The following TBCA variants were observed in gnomAD, a reference collection of about 807,000 sequenced individuals.
The protein encoded by TBCA is tubulin folding cofactor A.
A neutral mutation model predicts 15.8 loss-of-function variants in TBCA; 6 were observed. The ratio of observed to expected loss-of-function variants is 0.38; its 90% CI spans 0.21 to 0.75. TBCA has a LOEUF of 0.75. TBCA is among the 30% of genes least tolerant of loss of function. The pLI, the probability that TBCA is intolerant of heterozygous loss-of-function variation, is 0.46. For missense variants in TBCA, 90 were observed against 131.2 expected, an observed-to-expected ratio of 0.69 and a Z score of 1.53; for synonymous variants, 32 against 42.3, an observed-to-expected ratio of 0.76 and a Z score of 0.94.
chr5:77,709,564 A>G (rs944343398), intron 1 of TBCA, among the ~76,000 whole-genome samples: 1 of 152,212 alleles, frequency 6.6e-6, no homozygotes, highest in Non-Finnish European at 1.5e-5. Flanking sequence ...GAGAAATTGG[A>G]GCCATCAAAC....
chr5:77,701,722 T>TATAC (rs1202081595), intron 2 of TBCA, among the ~76,000 whole-genome samples: 3 of 137,998 alleles, frequency 2.2e-5, no homozygotes, highest in Non-Finnish European at 3.1e-5. Context: ...TATATATATA[T>TATAC]ATATGATGGA....
chr5:77,730,125 T>C (rs774163242), intron 1 of TBCA, among the ~76,000 whole-genome samples: 3 of 152,206 alleles, frequency 2.0e-5, no homozygotes, highest in Non-Finnish European at 4.4e-5. Context: ...GACGTTGTAT[T>C]GGATTGAATG....
At chr5:77,734,381 T>A (rs983062298) in intron 1 of TBCA, among the ~76,000 whole-genome samples, 1 of 152,218 alleles carries the variant, frequency 6.6e-6, no homozygotes, top group Admixed American at 6.5e-5. Context: ...TAGATGCCAT[T>A]AAGAACATTC....
chr5:77,693,435 T>C, intron 2 of TBCA, 83 bp from the exon 3 acceptor site: 1 of 1,436,090 alleles, frequency 7.0e-7, no homozygotes, highest in Non-Finnish European at 9.5e-7. Context: ...TATATCCTTA[T>C]TAAGAGGAAT....
At chr5:77,762,022 A>G (rs1423156960) in intron 1 of TBCA, among the ~76,000 whole-genome samples, 2 of 152,222 alleles carry the variant, frequency 1.3e-5, no homozygotes, top group African/African-American at 2.4e-5. Context: ...AATGCCTTTA[A>G]TAAGTCTAAT....
chr5:77,744,270 C>T (rs765728887), intron 1 of TBCA, among the ~76,000 whole-genome samples: 2 of 152,046 alleles, frequency 1.3e-5, no homozygotes, highest in Admixed American at 6.6e-5. Context: ...TTTCTGGAGA[C>T]AATCTTGCTT....
chr5:77,740,500 C>G (rs1441400165), intron 1 of TBCA, among the ~76,000 whole-genome samples: 2 of 151,956 alleles, frequency 1.3e-5, no homozygotes, highest in African/African-American at 4.8e-5. Flanking sequence ...CAGGAGAAGC[C>G]AAAGATAACT....
At chr5:77,708,453 T>C in intron 1 of TBCA, 106 bp from the exon 2 acceptor site, 2 of 613,510 alleles carry the variant, frequency 3.3e-6, no homozygotes, top group Non-Finnish European at 5.7e-6. Flanking sequence ...CCAAAGTAGA[T>C]ATACTAGATG....
chr5:77,723,446 A>G (rs1746566556), intron 1 of TBCA, among the ~76,000 whole-genome samples: 1 of 151,990 alleles, frequency 6.6e-6, no homozygotes, highest in Admixed American at 6.6e-5. Flanking sequence ...TAATTTAAAC[A>G]TCTGAAATAG....
intron 1 of TBCA, among the ~76,000 whole-genome samples, chr5:77,756,591 C>G (rs751855004): frequency 1.3e-5 from 2 of 151,490 alleles, no homozygotes; most frequent in South Asian, 4.2e-4. Context: ...GAATCTTGCC[C>G]GCTAGAATTA....
chr5:77,693,818 A>AG (rs1369186185), intron 2 of TBCA, among the ~76,000 whole-genome samples: 2 of 145,544 alleles, frequency 1.4e-5, no homozygotes, highest in Non-Finnish European at 3.0e-5. Context: ...AAAAAAAAAA[A>AG]AAAAAGTTAG....
intron 2 of TBCA, 174 bp from the exon 3 acceptor site, chr5:77,693,526 C>A: frequency 1.3e-6 from 1 of 789,894 alleles, no homozygotes; most frequent in Non-Finnish European, 2.0e-6. Context: ...AGGCCAGGCA[C>A]AGTGGCTCAC....
chr5:77,738,542 G>T lies in TBCA; in HGVS notation c.54-30195C>A, dbSNP rs142323012. 3.4e-3 allele frequency among the ~76,000 whole-genome samples: 521 copies of T among 152,298 alleles called. 2 individuals are homozygous for T. Among genetic ancestry groups the T allele is most frequent in the Non-Finnish European group, 5.3e-3 (362 of 68,030 alleles). ...GGCCTGCCCACTAGGCTATGATTCT[G>T]CTTGTTGAACTAGTCAGTTTGAAAA... On this transcript the variant is annotated intron_variant, in intron 1 of 3. Coordinates refer to ENST00000380377, the MANE Select transcript of TBCA (RefSeq NM_004607.3).
rs1251955612 is a variant in TBCA at position 77,776,275 on chromosome 5, G to A, written c.-18C>T. 38 of 1,573,086 alleles carry A rather than the reference G, an allele frequency of 2.4e-5. No homozygotes were observed. The highest frequency in any genetic ancestry group is 3.3e-5 in the Non-Finnish European group (38 of 1,160,336). Reference sequence around the variant, plus strand: ...TCGGCCATGGTCCCTCGAGCGCCGCGAGAAGGAGGGGCGGAGAGCCGGGGT... The same window carrying A: ...TCGGCCATGGTCCCTCGAGCGCCGCAAGAAGGAGGGGCGGAGAGCCGGGGT... On this transcript the variant is annotated 5_prime_UTR_variant, in exon 1 of 4. Coordinates refer to ENST00000380377, the MANE Select transcript of TBCA (RefSeq NM_004607.3).
rs1014125590 is a variant in TBCA, at chr5:77,705,523, G to A, written c.159+2719C>T. On this transcript the variant is annotated intron_variant, in intron 2 of 3. Transcript: ENST00000380377. ...CATATGTAAATCCTTATGAAGGGTC[G>A]TTAGTTCATAAAGGCGGACAAGGCC... 2.0e-5 allele frequency: 8 copies of A among 398,328 alleles called. No individual in the cohort carries two copies. The Admixed American group carries it at 2.2e-4, about 11-fold the overall frequency. The allele number at this position is 398,328 out of a possible 1,614,324, so 24.7% of individuals were successfully genotyped here. A position where few individuals can be genotyped will look rare whatever the true frequency, so the allele number is the denominator to read the frequency against.
At chr5:77,767,538 C>A (rs972213682) in intron 1 of TBCA, among the ~76,000 whole-genome samples, 1 of 152,150 alleles carries the variant, frequency 6.6e-6, no homozygotes, top group African/African-American at 2.4e-5. Flanking sequence ...AATAAAAAAG[C>A]AAAACTGGCC....
At chr5:77,719,283 G>GT (rs1438524719) in intron 1 of TBCA, among the ~76,000 whole-genome samples, 1 of 152,050 alleles carries the variant, frequency 6.6e-6, no homozygotes, top group African/African-American at 2.4e-5. Flanking sequence ...AAATACAATC[G>GT]TATGTTTAAA....
chr5:77,704,624 A>G (rs1343671622), intron 2 of TBCA, among the ~76,000 whole-genome samples: 2 of 152,190 alleles, frequency 1.3e-5, no homozygotes, highest in Non-Finnish European at 2.9e-5. Context: ...TTAAAGTCCC[A>G]GGCAATCACA....
At chr5:77,712,104 T>C (rs1403004328) in intron 1 of TBCA, among the ~76,000 whole-genome samples, 1 of 152,148 alleles carries the variant, frequency 6.6e-6, no homozygotes, top group African/African-American at 2.4e-5. Context: ...CAAATCAATG[T>C]ACTGATGACA....
Sources: allele counts gnomAD v4.1 joint callset (sites outside exome capture counted in the v4.1 genomes callset), GRCh38; gene constraint gnomAD v4.1.1; transcripts MANE v1.5; gene names NCBI Gene and HGNC (gene_info 2026-07-23, HGNC 2026-07-21).